ECH1: variants seen among roughly 807,000 people sequenced by gnomAD.
ECH1 encodes the protein delta(3,5)-Delta(2,4)-dienoyl-CoA isomerase, mitochondrial.
In ECH1, 30 loss-of-function variants were observed where a neutral mutation model predicts 37.0. That is an observed-to-expected ratio of 0.81 (90% CI 0.61 to 1.10). ECH1 has a LOEUF of 1.10. Among genes scored for constraint, ECH1 ranks in the 50% least tolerant of loss-of-function variants. The pLI is 0.00. For missense variants in ECH1, 456 were observed against 441.6 expected, an observed-to-expected ratio of 1.03 and a Z score of -0.29; for synonymous variants, 178 against 176.0, an observed-to-expected ratio of 1.01 and a Z score of -0.09.
chr19:38,820,251 G>A (rs1405488493), intron 3 of ECH1: 2 of 151,856 alleles, frequency 1.3e-5, no homozygotes, highest in African/African-American at 2.4e-5. Context: ...TAGTAGAGAC[G>A]GGGTTTCACT....
chr19:38,815,579 G>T lies in ECH1; in HGVS notation c.*34C>A. 6.2e-7 allele frequency: 1 copy of T among 1,603,166 alleles called. No homozygotes were observed. The highest frequency in any genetic ancestry group is 8.5e-7 in the Non-Finnish European group (1 of 1,170,984). On this transcript the variant is annotated 3_prime_UTR_variant, in exon 10 of 10. Transcript: ENST00000221418. ...TCTGTGGATGAGGCGGGACAAGGCC[G>T]GCCCCCTGGCTGGGGCCTGGGACGC...
chr19:38,820,783 G>A (rs991747561), intron 3 of ECH1, among the ~76,000 whole-genome samples: 1 of 152,128 alleles, frequency 6.6e-6, no homozygotes, highest in African/African-American at 2.4e-5. Context: ...TGAAGGACCT[G>A]GGCCCGGCAC....
chr19:38,816,689 C>G (rs1568356201), intron 6 of ECH1, among the ~76,000 whole-genome samples, 166 bp from the exon 7 acceptor site: 1 of 152,178 alleles, frequency 6.6e-6, no homozygotes, highest in African/African-American at 2.4e-5. Flanking sequence ...TTGACTCAGG[C>G]AAGTTCCTTC....
chr19:38,825,230 A>G (rs973775789), intron 3 of ECH1, among the ~76,000 whole-genome samples: 6 of 152,206 alleles, frequency 3.9e-5, no homozygotes, highest in African/African-American at 1.4e-4. Context: ...AGCCATCCCC[A>G]GTATGGATCC....
chr19:38,817,486 T>C lies in ECH1; in HGVS notation c.439A>G (p.Thr147Ala). ...RISWYLRDII[T>A]RYQETFNVIE... The stretch of plus-strand genomic sequence containing the variant: ...ACGTTGAAGGTCTCCTGGTATCGAG[T>C]GATGATGTCACGGAGGTACCAGCTG... Residue 147 changes from threonine to alanine, a missense_variant, in exon 4 of 10, where the codon ACT (threonine) becomes GCT (alanine). Physicochemically the swap from Thr to Ala is moderately conservative, Grantham distance 58. Coordinates refer to ENST00000221418, the MANE Select transcript of ECH1 (RefSeq NM_001398.3). 1.2e-6 allele frequency: 2 copies of C among 1,613,774 alleles called. No individual in the cohort carries two copies. Among genetic ancestry groups the C allele is most frequent in the Non-Finnish European group, 1.7e-6 (2 of 1,179,908 alleles).
At chr19:38,829,802 C>T (rs1370546434) in intron 3 of ECH1, among the ~76,000 whole-genome samples, 1 of 149,190 alleles carries the variant, frequency 6.7e-6, no homozygotes, top group South Asian at 2.1e-4. Context: ...GGTGACAGAG[C>T]GACTCTGTCT....
rs200148431 is a variant in ECH1, at chr19:38,816,034, G to C, written c.732-27C>G. ...TGCAGTGAAAGAGATCAGGGACCGG[G>C]TGGGCTGGGAAGGGCTCTCTCCTCC... On this transcript the variant is annotated intron_variant, in intron 8 of 9. Coordinates refer to ENST00000221418, the MANE Select transcript of ECH1 (RefSeq NM_001398.3). 1,924 of 1,610,964 alleles carry C rather than the reference G, an allele frequency of 1.2e-3. 2 individuals carry two copies. The highest frequency in any genetic ancestry group is 1.4e-3 in the Non-Finnish European group (1,598 of 1,179,400).
Position 38,830,925 on chromosome 19 carries a change from C to T in ECH1, c.349+153G>A, listed in dbSNP as rs373929984. On this transcript the variant is annotated intron_variant, in intron 3 of 9. Transcript: ENST00000221418. ...GAGCTGAGATTGCGCTACTGCACTC[C>T]AGCGTGGCAACAGAGCAAGACCCCG... 2.6e-5 allele frequency: 17 copies of T among 660,706 alleles called. No homozygotes were observed. The African/African-American group carries it at 3.0e-4, about 12-fold the overall frequency. The allele number at this position is 660,706 out of a possible 1,614,324, so 40.9% of individuals were successfully genotyped here.
chr19:38,831,275 C>A lies in ECH1; in HGVS notation c.260+34G>T. ...CCCAGTCCCGCAGCCCCGCCTCCCCCCGCAGGCAGGCCTCCAGGATCTGCA... is the reference window on the plus strand; with the variant it reads ...CCCAGTCCCGCAGCCCCGCCTCCCCACGCAGGCAGGCCTCCAGGATCTGCA... On this transcript the variant is annotated intron_variant, in intron 2 of 9. Coordinates refer to ENST00000221418, the MANE Select transcript of ECH1 (RefSeq NM_001398.3). 2.5e-6 allele frequency: 4 copies of A among 1,606,760 alleles called. No individual in the cohort carries two copies. In the Middle Eastern group the frequency reaches 6.6e-4, roughly 267 times the overall value.
chr19:38,816,019 G>C lies in ECH1; in HGVS notation c.732-12C>G. ...CTGGGAACACCCGGCTGCAGTGAAA[G>C]AGATCAGGGACCGGGTGGGCTGGGA... On this transcript the variant is annotated splice_polypyrimidine_tract_variant and intron_variant, in intron 8 of 9. Transcript: ENST00000221418. 6.2e-7 allele frequency: 1 copy of C among 1,612,306 alleles called. No individual in the cohort carries two copies.
Position 38,831,531 on chromosome 19 carries a change from A to G in ECH1, c.53-15T>C. 6.2e-7 allele frequency: 1 copy of G among 1,608,574 alleles called. No homozygotes were observed. Among genetic ancestry groups the G allele is most frequent in the Non-Finnish European group, 8.5e-7 (1 of 1,176,784 alleles). ...GCCTGTCAGTCCTGGGGAGAAAGGA[A>G]CAGCCTTTGATGACCCCAGACTGCA... On this transcript the variant is annotated splice_polypyrimidine_tract_variant and intron_variant, in intron 1 of 9. Coordinates refer to ENST00000221418, the MANE Select transcript of ECH1 (RefSeq NM_001398.3).
intron 3 of ECH1, among the ~76,000 whole-genome samples, chr19:38,826,061 G>T (rs779293836): frequency 6.6e-6 from 1 of 152,180 alleles, no homozygotes; most frequent in Non-Finnish European, 1.5e-5. Flanking sequence ...GTTACCATCC[G>T]ATGAATCCTG....
Position 38,816,070 on chromosome 19 carries a change from A to G in ECH1, c.732-63T>C. The G allele has an allele frequency of 2.5e-6, 4 of 1,598,198 alleles. No individual in the cohort carries two copies. The Admixed American group carries it at 5.1e-5, about 20-fold the overall frequency. On this transcript the variant is annotated intron_variant, in intron 8 of 9. Transcript: ENST00000221418. ...AGGGCTCTCTCCTCCAGCCTCCCGC[A>G]GATGAAGAAGTGGCCACTCACAGAG...
chr19:38,825,250 C>T (rs1416843259), intron 3 of ECH1, among the ~76,000 whole-genome samples: 1 of 152,172 alleles, frequency 6.6e-6, no homozygotes, highest in South Asian at 2.1e-4. Context: ...CCCACTGGGA[C>T]CTTGACTTAG....
chr19:38,817,520 C>T lies in ECH1; in HGVS notation c.405G>A (p.Val135=), dbSNP rs368595720. ...CACGGAGGTACCAGCTGATCCGGGC[C>T]ACATCATCTCCTTTGGGCTGCAGGA... is the stretch of plus-strand genomic sequence containing the variant. ...SDILQPKGDD[V]ARISWYLRDI... is the part of the protein sequence containing the mutation. Residue 135 remains valine (V), a synonymous_variant, in exon 4 of 10, where the codon GTG becomes GTA. Transcript: ENST00000221418. 57 of 1,613,852 alleles carry T rather than the reference C, an allele frequency of 3.5e-5. No homozygotes were observed. Among genetic ancestry groups the T allele is most frequent in the Non-Finnish European group, 4.7e-5 (56 of 1,179,912 alleles).
In ECH1 at chr19:38,816,479, G is replaced by C. The variant is rs148860072; in HGVS notation, c.633C>G (p.Arg211=). 802 of 1,614,050 alleles carry C rather than the reference G, an allele frequency of 5.0e-4. 2 individuals carry two copies. Among genetic ancestry groups the C allele is most frequent in the Non-Finnish European group, 6.4e-4 (753 of 1,180,032 alleles). ...TCTGGTTCCCGATGACCTTGGGCAG[G>C]CGCTGCAGTGTTCCTACATCGGCAG... ...GLAADVGTLQ[R]LPKVIGNQSL... Residue 211 remains arginine (R), a synonymous_variant, in exon 7 of 10, where the codon CGC becomes CGG. Transcript: ENST00000221418.
At chr19:38,819,652 AG>A (rs1310146781) in intron 3 of ECH1, among the ~76,000 whole-genome samples, 1 of 152,114 alleles carries the variant, frequency 6.6e-6, no homozygotes, top group African/African-American at 2.4e-5. Flanking sequence ...TGAATAAAAA[AG>A]TATATTTTGG....
chr19:38,829,740 C>T (rs1004955683), intron 3 of ECH1, among the ~76,000 whole-genome samples: 3 of 147,682 alleles, frequency 2.0e-5, no homozygotes, highest in East Asian at 2.1e-4. Flanking sequence ...GGCCTGAACC[C>T]GGGAGGCAGA....
intron 8 of ECH1, 69 bp from the exon 9 acceptor site, chr19:38,816,076 A>G: frequency 4.4e-6 from 7 of 1,593,598 alleles, no homozygotes; most frequent in South Asian, 1.1e-5. Context: ...CCGCAGATGA[A>G]GAAGTGGCCA....
Sources: gnomAD v4.1 joint callset for allele counts (sites outside exome capture counted in the v4.1 genomes callset) on GRCh38, gnomAD v4.1.1 for gene constraint, MANE v1.5 for transcripts, NCBI Gene and HGNC (gene_info 2026-07-23, HGNC 2026-07-21) for gene names.